Variants in NFKB1 observed in about 807,000 individuals in gnomAD.
NFKB1 encodes nuclear factor NF-kappa-B p105 subunit.
A neutral mutation model predicts 105.1 loss-of-function variants in NFKB1; 9 were observed. That is an observed-to-expected ratio of 0.09 (90% CI 0.05 to 0.15). NFKB1 has a LOEUF of 0.15. Ranked by LOEUF, NFKB1 falls within the 10% of genes least tolerant of loss-of-function variation. The probability of loss-of-function intolerance (pLI) is 1.00; values close to 1 mark genes in which losing one functional copy is unlikely to be tolerated. For synonymous variants in NFKB1, 440 were observed against 442.2 expected, an observed-to-expected ratio of 1.00 and a Z score of 0.06; for missense variants, 830 against 1,203.7, an observed-to-expected ratio of 0.69 and a Z score of 4.59.
At chr4:102,536,697 C>T (rs1453718896) in intron 4 of NFKB1, among the ~76,000 whole-genome samples, 1 of 152,032 alleles carries the variant, frequency 6.6e-6, no homozygotes, top group Non-Finnish European at 1.5e-5. Context: ...AGGGAGTGAA[C>T]CCCCACCAGC....
chr4:102,560,143 C>A (rs1723293865), intron 5 of NFKB1, among the ~76,000 whole-genome samples: 1 of 152,054 alleles, frequency 6.6e-6, no homozygotes, highest in South Asian at 2.1e-4. Flanking sequence ...ATGATTAGGC[C>A]ATCCAAACGT....
At chr4:102,505,611 C>G (rs1272906538) in intron 1 of NFKB1, among the ~76,000 whole-genome samples, 1 of 152,104 alleles carries the variant, frequency 6.6e-6, no homozygotes, top group East Asian at 1.9e-4. Flanking sequence ...TTGAGTTCAT[C>G]TATGGATCCT....
At position 102,501,539 on chromosome 4, in the gene NFKB1, C is replaced by G. The variant is rs886417923; in HGVS notation, c.-257C>G. ...CAGCGCCGCCGAGGCCGCAGCCGCC[C>G]GGCCAGTAAGGCGGCGCCGCCGCCC... On this transcript the variant is annotated 5_prime_UTR_variant, in exon 1 of 24. Coordinates refer to ENST00000226574, the MANE Select transcript of NFKB1 (RefSeq NM_003998.4). The G allele has an allele frequency of 6.8e-6, 1 of 147,418 alleles. No individual in the cohort carries two copies. The highest frequency in any genetic ancestry group is 2.4e-5 in the African/African-American group (1 of 40,952). The allele number at this position is 147,418 out of a possible 1,614,324, so 9.1% of individuals were successfully genotyped here. A position where few individuals can be genotyped will look rare whatever the true frequency, so the allele number is the denominator to read the frequency against.
intron 11 of NFKB1, among the ~76,000 whole-genome samples, chr4:102,591,653 TGAGAAAA>T (rs1726188447): frequency 6.6e-6 from 1 of 151,912 alleles, no homozygotes; most frequent in Non-Finnish European, 1.5e-5. Flanking sequence ...CCTACTGCTC[TGAGAAAA>T]AAGAAAAAAA....
At chr4:102,534,045 A>G (rs368941832) in intron 4 of NFKB1, among the ~76,000 whole-genome samples, 160 bp downstream of exon 4, 2 of 152,172 alleles carry the variant, frequency 1.3e-5, no homozygotes, top group African/African-American at 2.4e-5. Flanking sequence ...TTCACTTTAC[A>G]TTTCTCTTAC....
At chr4:102,554,978 A>G (rs1722876263) in intron 5 of NFKB1, among the ~76,000 whole-genome samples, 1 of 152,184 alleles carries the variant, frequency 6.6e-6, no homozygotes, top group South Asian at 2.1e-4. Flanking sequence ...CGAAGTAGAA[A>G]AGCATAAGGG....
At chr4:102,613,725 A>T in intron 23 of NFKB1, 144 bp downstream of exon 23, 1 of 963,946 alleles carries the variant, frequency 1.0e-6, no homozygotes, top group Non-Finnish European at 1.5e-6. Context: ...CCCTGGGCTC[A>T]CCCTCTGCCT....
chr4:102,572,044 T>C (rs961966418), intron 6 of NFKB1, among the ~76,000 whole-genome samples: 44 of 152,208 alleles, frequency 2.9e-4, no homozygotes, highest in African/African-American at 9.9e-4. Flanking sequence ...CTTATGTTTA[T>C]TGCAGCATTA....
At chr4:102,508,763 G>A (rs991334805) in intron 1 of NFKB1, among the ~76,000 whole-genome samples, 3 of 152,036 alleles carry the variant, frequency 2.0e-5, no homozygotes, top group African/African-American at 7.2e-5. Context: ...TCAAAGCAAA[G>A]GATAATGAAA....
At chr4:102,563,839 T>TTA (rs562663405) in intron 5 of NFKB1, among the ~76,000 whole-genome samples, 18 of 148,776 alleles carry the variant, frequency 1.2e-4, no homozygotes, top group African/African-American at 3.3e-4. Flanking sequence ...TTTTTTTTTT[T>TTA]AAACGGAGTC....
At chr4:102,529,960 T>C (rs759115625) in intron 3 of NFKB1, 46 bp downstream of exon 3, 1 of 1,371,938 alleles carries the variant, frequency 7.3e-7, no homozygotes, top group Non-Finnish European at 1.0e-6. Context: ...CTTTCAGTCT[T>C]AGTAAAATGC....
intron 5 of NFKB1, among the ~76,000 whole-genome samples, chr4:102,564,369 A>T (rs1723684083): frequency 1.3e-5 from 2 of 152,228 alleles, no homozygotes; most frequent in Admixed American, 1.3e-4. Flanking sequence ...CAGTGTCTTC[A>T]TGTACCATAT....
chr4:102,600,394 A>T (rs1245577231), intron 15 of NFKB1, among the ~76,000 whole-genome samples: 2 of 152,162 alleles, frequency 1.3e-5, no homozygotes, highest in Non-Finnish European at 2.9e-5. Flanking sequence ...ATCTGGAAAG[A>T]TCTTTAAAAA....
intron 5 of NFKB1, among the ~76,000 whole-genome samples, chr4:102,552,888 G>A (rs1722722719): frequency 1.3e-5 from 2 of 152,194 alleles, no homozygotes; most frequent in South Asian, 2.1e-4. Context: ...ATAGTACGTA[G>A]ATGGTACAAT....
intron 4 of NFKB1, among the ~76,000 whole-genome samples, chr4:102,535,299 C>T (rs898388584): frequency 6.6e-6 from 1 of 152,096 alleles, no homozygotes; most frequent in Non-Finnish European, 1.5e-5. Flanking sequence ...TTTTCATAAG[C>T]ATAGCACTAC....
At chr4:102,561,260 CTTT>C (rs1723404040) in intron 5 of NFKB1, among the ~76,000 whole-genome samples, 2 of 122,454 alleles carry the variant, frequency 1.6e-5, no homozygotes, top group Non-Finnish European at 3.2e-5. Context: ...CTCTTTCTTT[CTTT>C]CCTTTTTTTT....
chr4:102,509,524 T>C (rs1305410577), intron 1 of NFKB1, among the ~76,000 whole-genome samples: 2 of 152,226 alleles, frequency 1.3e-5, no homozygotes, highest in African/African-American at 2.4e-5. Context: ...AGGAGTCCAG[T>C]CATTCAAGGC....
intron 5 of NFKB1, among the ~76,000 whole-genome samples, chr4:102,547,527 AC>A (rs1722232846): frequency 6.6e-6 from 1 of 152,202 alleles, no homozygotes; most frequent in Admixed American, 6.6e-5. Context: ...TTGCAGTGTT[AC>A]TTAACTTGGC....
chr4:102,502,353 C>G (rs1269400605), intron 1 of NFKB1, among the ~76,000 whole-genome samples: 1 of 150,076 alleles, frequency 6.7e-6, no homozygotes, highest in East Asian at 2.0e-4. Context: ...GTCTCTCTCT[C>G]TCTCCCCCCT....
Sources: allele counts gnomAD v4.1 joint callset (sites outside exome capture counted in the v4.1 genomes callset), GRCh38; gene constraint gnomAD v4.1.1; transcripts MANE v1.5; gene names NCBI Gene and HGNC (gene_info 2026-07-23, HGNC 2026-07-21).